Variants in ATAD3B observed in about 807,000 individuals in gnomAD.
ATAD3B encodes the protein ATPase family AAA domain-containing protein 3B.
ATAD3B carries 59 observed loss-of-function variants against 70.2 expected under a neutral mutation model. The observed-to-expected ratio is 0.84, with a 90% confidence interval of 0.68 to 1.04. ATAD3B has a LOEUF of 1.04. Among genes scored for constraint, ATAD3B ranks in the 50% least tolerant of loss-of-function variants. ATAD3B has a pLI of 0.00. For synonymous variants in ATAD3B, 423 were observed against 388.6 expected, an observed-to-expected ratio of 1.09 and a Z score of -1.04; for missense variants, 961 against 913.4, an observed-to-expected ratio of 1.05 and a Z score of -0.67.
chr1:1,494,912 C>T (rs558986267), intron 15 of ATAD3B, among the ~76,000 whole-genome samples: 21 of 152,118 alleles, frequency 1.4e-4, no homozygotes, highest in East Asian at 9.7e-4. Flanking sequence ...GCGACCTGTC[C>T]GTGGCAGAAG....
chr1:1,507,884 G>T, the ATAD3B span, among the ~76,000 whole-genome samples: 1 of 152,246 alleles, frequency 6.6e-6, no homozygotes, highest in East Asian at 1.9e-4. Context: ...TCCCGGGCCT[G>T]GGGCCTCGCC....
rs943849866 is a variant in ATAD3B, at chr1:1,477,424, A to G, written c.282+74A>G. The G allele has an allele frequency of 1.1e-5, 17 of 1,603,288 alleles. No homozygotes were observed. In the Admixed American group the frequency reaches 1.9e-4, roughly 18 times the overall value. On this transcript the variant is annotated intron_variant, in intron 2 of 15. Transcript: ENST00000673477. ...AGGCGTGGAGATTGGTGGGGCTGCTACTGGTGGGTAGGGCCAGGGGCGTGT... is the reference window on the plus strand; with the variant it reads ...AGGCGTGGAGATTGGTGGGGCTGCTGCTGGTGGGTAGGGCCAGGGGCGTGT...
intron 15 of ATAD3B, among the ~76,000 whole-genome samples, chr1:1,491,960 CAG>C (rs923195707): frequency 1.1e-4 from 17 of 151,784 alleles, no homozygotes; most frequent in Admixed American, 9.9e-4. Context: ...CCAAGTCAGT[CAG>C]ATTATTTGAA....
chr1:1,505,258 AGAGG>A, the ATAD3B span, among the ~76,000 whole-genome samples: 27 of 152,130 alleles, frequency 1.8e-4, no homozygotes, highest in Non-Finnish European at 3.5e-4. Context: ...CGAGGCAGAG[AGAGG>A]GAGGGAGGGA....
At chr1:1,485,860 C>G (rs1167505667) in intron 9 of ATAD3B, 22 bp downstream of exon 9, 7 of 1,612,674 alleles carry the variant, frequency 4.3e-6, no homozygotes, top group Non-Finnish European at 5.9e-6. Context: ...TGCCTGGGAC[C>G]GGGGAGGTGC....
downstream of ATAD3B, among the ~76,000 whole-genome samples, chr1:1,500,518 C>T (rs1011541905): frequency 7.1e-6 from 1 of 141,814 alleles, no homozygotes; most frequent in Non-Finnish European, 1.5e-5. Context: ...CGCCACTGCC[C>T]TCCAGTCTCT....
chr1:1,495,919 C>A lies in ATAD3B; in HGVS notation c.*102C>A, dbSNP rs145585259. 9.6e-4 allele frequency: 1,381 copies of A among 1,433,172 alleles called. 15 individuals are homozygous for A. In the African/African-American group the frequency reaches 0.017, roughly 18 times the overall value. 88.8% of individuals were successfully genotyped at this position (1,433,172 alleles called of 1,614,324 possible). A position where few individuals can be genotyped will look rare whatever the true frequency, so the allele number is the denominator to read the frequency against. ...CAGGGGGAGGGTGAGGCTTTGTACC[C>A]CAGCCCCTGCCCAGGCCACTGTGAG... On this transcript the variant is annotated 3_prime_UTR_variant, in exon 16 of 16. Transcript: ENST00000673477.
the ATAD3B span, chr1:1,509,461 G>T: frequency 2.5e-6 from 4 of 1,585,356 alleles, no homozygotes; most frequent in African/African-American, 4.1e-5. Flanking sequence ...TCCCACGGGG[G>T]CCGCACCGCT....
intron 12 of ATAD3B, among the ~76,000 whole-genome samples, chr1:1,488,235 C>T (rs552707942): frequency 2.0e-5 from 3 of 151,946 alleles, no homozygotes; most frequent in Admixed American, 6.6e-5. Flanking sequence ...GGATTACATG[C>T]GTGATCCACC....
At position 1,490,346 on chromosome 1, in the gene ATAD3B, C is replaced by T. The variant is rs150159387; in HGVS notation, c.1427C>T (p.Pro476Leu). Residue 476 changes from proline (P) to leucine (L), a missense_variant, in exon 14 of 16, where the codon CCG becomes CTG. Pro to Leu is a moderately conservative substitution (Grantham distance 98). Transcript: ENST00000673477. ...RIDVMVHFDLPQQEERERLVR... is the reference protein window; with the variant it reads ...RIDVMVHFDLLQQEERERLVR... ...GACGTGATGGTCCACTTCGACCTGCCGCAGCAGGAGGAGCGGGAGCGCCTG... is the reference window on the plus strand; with the variant it reads ...GACGTGATGGTCCACTTCGACCTGCTGCAGCAGGAGGAGCGGGAGCGCCTG... 220 of 1,613,408 alleles carry T rather than the reference C, an allele frequency of 1.4e-4. No homozygotes were observed. In the African/African-American group the frequency reaches 2.2e-3, roughly 16 times the overall value.
rs1158117775 is a variant in ATAD3B at position 1,482,285 on chromosome 1, C to T, written c.662C>T (p.Thr221Ile). 1 of 1,608,658 alleles carries T rather than the reference C, an allele frequency of 6.2e-7. No individual in the cohort carries two copies. The highest frequency in any genetic ancestry group is 8.5e-7 in the Non-Finnish European group (1 of 1,179,014). Reference protein sequence around the residue: ...IRLKASEHRQTVLESIRTAGT... With the variant: ...IRLKASEHRQIVLESIRTAGT... The stretch of plus-strand genomic sequence containing the variant: ...CTGAAGGCGTCCGAGCACCGTCAGA[C>T]CGTCTTGGAGTCCATCAGGTGAGCA... Residue 221 changes from threonine (T) to isoleucine (I), a missense_variant, in exon 6 of 16, where the codon ACC (threonine) becomes ATC (isoleucine). Physicochemically the swap from Thr to Ile is moderately conservative, Grantham distance 89. Transcript: ENST00000673477.
At chr1:1,503,909 T>A in the ATAD3B span, among the ~76,000 whole-genome samples, 5 of 152,116 alleles carry the variant, frequency 3.3e-5, no homozygotes, top group Non-Finnish European at 7.4e-5. Flanking sequence ...GATGGGGATC[T>A]TCTTGACATT....
Position 1,488,183 on chromosome 1 carries a change from C to G in ATAD3B, c.1266+269C>G, listed in dbSNP as rs560725537. ...TGTTGGTCAAGTTGGTCAAGAACTC[C>G]TGATCTCAAATGATCTGCCCACCTG... On this transcript the variant is annotated intron_variant, in intron 12 of 15. Coordinates refer to ENST00000673477, the MANE Select transcript of ATAD3B (RefSeq NM_031921.6). 6.6e-5 allele frequency among the ~76,000 whole-genome samples: 10 copies of G among 152,032 alleles called. No homozygotes were observed. The South Asian group carries it at 1.5e-3, about 22-fold the overall frequency.
intron 2 of ATAD3B, among the ~76,000 whole-genome samples, chr1:1,477,766 C>T (rs1278648511): frequency 3.3e-5 from 5 of 151,254 alleles, no homozygotes; most frequent in African/African-American, 4.9e-5. Flanking sequence ...AGTGCAATGG[C>T]GCAATCTCGG....
the ATAD3B span, chr1:1,503,569 C>A: frequency 6.2e-7 from 1 of 1,605,720 alleles, no homozygotes; most frequent in South Asian, 1.1e-5. Flanking sequence ...GCCCTCTGTG[C>A]CCCTGTGCCT....
chr1:1,491,677 G>A lies in ATAD3B; in HGVS notation c.1614+1006G>A, dbSNP rs967657432. ...CAACCTGGTCACTCGATCTAGCAGC[G>A]TATTTGAATGAATGAGTGACAGCTT... On this transcript the variant is annotated intron_variant, in intron 15 of 15. Transcript: ENST00000673477. 5.3e-5 allele frequency among the ~76,000 whole-genome samples: 8 copies of A among 152,022 alleles called. 2 individuals carry two copies. The highest frequency in any genetic ancestry group is 1.2e-4 in the Non-Finnish European group (8 of 67,972).
At chr1:1,473,089 T>A (rs1240737) in intron 1 of ATAD3B, among the ~76,000 whole-genome samples, 1 of 146,792 alleles carries the variant, frequency 6.8e-6, no homozygotes, top group Non-Finnish European at 1.5e-5. Context: ...TCCTGAAGTG[T>A]TGGGATTACA....
chr1:1,503,195 G>T, the ATAD3B span: 2 of 180,760 alleles, frequency 1.1e-5, no homozygotes, highest in Non-Finnish European at 2.4e-5. Context: ...CTGCACTCCA[G>T]CCTGGGCGAC....
At chr1:1,504,148 C>T in the ATAD3B span, among the ~76,000 whole-genome samples, 49 of 151,840 alleles carry the variant, frequency 3.2e-4, no homozygotes, top group East Asian at 4.4e-3. Context: ...CCACCACACC[C>T]GGCTAATTTT....
Sources: allele counts gnomAD v4.1 joint callset (sites outside exome capture counted in the v4.1 genomes callset), GRCh38; gene constraint gnomAD v4.1.1; transcripts MANE v1.5; gene names NCBI Gene and HGNC (gene_info 2026-07-23, HGNC 2026-07-21).